The following LRBA variants were observed in gnomAD, a reference collection of about 807,000 sequenced individuals.
LRBA encodes the protein LPS responsive beige-like anchor protein, also known as lipopolysaccharide-responsive and beige-like anchor protein.
A neutral mutation model predicts 330.0 loss-of-function variants in LRBA; 176 were observed. The observed-to-expected ratio is 0.53, with a 90% confidence interval of 0.47 to 0.60. LRBA has a LOEUF of 0.60. LRBA is among the 20% of genes least tolerant of loss of function. The pLI, the probability that LRBA is intolerant of heterozygous loss-of-function variation, is 0.00. For missense variants in LRBA, 3,259 were observed against 3,444.8 expected, an observed-to-expected ratio of 0.95 and a Z score of 1.35; for synonymous variants, 1,230 against 1,193.0, an observed-to-expected ratio of 1.03 and a Z score of -0.64.
chr4:150,395,046 T>C (rs1047645554), intron 47 of LRBA, among the ~76,000 whole-genome samples: 1 of 152,132 alleles, frequency 6.6e-6, no homozygotes, highest in Non-Finnish European at 1.5e-5. Context: ...ATATAAGAGA[T>C]AAGAAAGGCT....
At chr4:150,813,338 A>G (rs991862857) in intron 31 of LRBA, among the ~76,000 whole-genome samples, 1 of 152,064 alleles carries the variant, frequency 6.6e-6, no homozygotes, top group Non-Finnish European at 1.5e-5. Flanking sequence ...TTATCCTCTG[A>G]TGAATATCTT....
At chr4:150,429,196 T>C (rs1750042821) in intron 46 of LRBA, among the ~76,000 whole-genome samples, 2 of 151,814 alleles carry the variant, frequency 1.3e-5, no homozygotes, top group African/African-American at 2.4e-5. Flanking sequence ...CAATTTTAAA[T>C]AGGGAGGAGA....
chr4:150,504,598 A>C (rs1760790781), intron 40 of LRBA, among the ~76,000 whole-genome samples: 1 of 152,246 alleles, frequency 6.6e-6, no homozygotes, highest in Non-Finnish European at 1.5e-5. Flanking sequence ...AGGAAGCATT[A>C]AACATGGAAA....
At chr4:150,704,473 A>G (rs1284318854) in intron 36 of LRBA, among the ~76,000 whole-genome samples, 3 of 151,998 alleles carry the variant, frequency 2.0e-5, no homozygotes, top group Admixed American at 2.0e-4. Context: ...AGAGCCACTG[A>G]TCTAAATCAA....
In LRBA at chr4:150,758,572, C is replaced by CTT. The variant is rs35416240; in HGVS notation, c.5645+3209_5645+3210dup. 4.8e-3 allele frequency among the ~76,000 whole-genome samples: 559 copies of CTT among 117,012 alleles called. 9 individuals are homozygous for CTT. The highest frequency in any genetic ancestry group is 0.015 in the African/African-American group (535 of 34,538). The allele number at this position is 117,012 out of a possible 152,430, so 76.8% of individuals were successfully genotyped here. A position where few individuals can be genotyped will look rare whatever the true frequency, so the allele number is the denominator to read the frequency against. On this transcript the variant is annotated intron_variant, in intron 35 of 56. Transcript: ENST00000651943. ...ATAGCCCCCTAATTGATCTCTTTGTCTTTTTTTTTTTTTTTTTTTGAGAAA... is the reference window on the plus strand; with the variant it reads ...ATAGCCCCCTAATTGATCTCTTTGTCTTTTTTTTTTTTTTTTTTTTTGAGAAA...
At chr4:150,713,148 C>G (rs888494407) in intron 36 of LRBA, among the ~76,000 whole-genome samples, 3 of 152,080 alleles carry the variant, frequency 2.0e-5, no homozygotes, top group Admixed American at 2.0e-4. Context: ...ATTACTCATG[C>G]TGGTCTCAAA....
intron 40 of LRBA, among the ~76,000 whole-genome samples, chr4:150,522,340 A>G (rs1050195808): frequency 6.6e-6 from 1 of 152,238 alleles, no homozygotes; most frequent in African/African-American, 2.4e-5. Context: ...AATTGTTGTC[A>G]AGAGTAGAAT....
chr4:150,467,827 G>A (rs1226922130), intron 43 of LRBA, 42 bp from the exon 44 acceptor site: 1 of 938,378 alleles, frequency 1.1e-6, no homozygotes, highest in Non-Finnish European at 1.7e-6. Context: ...AATTTTAAAA[G>A]TGAAATAAAC....
At chr4:150,331,987 T>C (rs1734060524) in intron 48 of LRBA, among the ~76,000 whole-genome samples, 1 of 152,096 alleles carries the variant, frequency 6.6e-6, no homozygotes, top group Admixed American at 6.6e-5. Context: ...TTTTATTGAG[T>C]TGTGAGGATT....
chr4:150,639,785 GTGTGTGTATATATATATA>G lies in LRBA; in HGVS notation c.5922-40672_5922-40655del. ...TATATATATATATATATATATATGTGTGTGTGTATATATATATATATGTGTGTGTGTGTGTATATATAT... is the reference window on the plus strand; with the variant it reads ...TATATATATATATATATATATATGTGTATGTGTGTGTGTGTGTATATATAT... On this transcript the variant is annotated intron_variant, in intron 37 of 56. Coordinates refer to ENST00000651943, the MANE Select transcript of LRBA (RefSeq NM_001364905.1). Among the ~76,000 whole-genome samples, 3 of 2,916 alleles carry G rather than the reference GTGTGTGTATATATATATA, an allele frequency of 1.0e-3. 1 individual carries two copies. The highest frequency in any genetic ancestry group is 0.013 in the Admixed American group (2 of 156). The allele number at this position is 2,916 out of a possible 152,430, so 1.9% of individuals were successfully genotyped here. A position where few individuals can be genotyped will look rare whatever the true frequency, so the allele number is the denominator to read the frequency against.
chr4:150,333,729 T>C (rs927471264), intron 48 of LRBA, among the ~76,000 whole-genome samples: 7 of 152,176 alleles, frequency 4.6e-5, no homozygotes, highest in African/African-American at 1.7e-4. Flanking sequence ...CTAGCCTCAG[T>C]GTCCTTTGGA....
intron 17 of LRBA, among the ~76,000 whole-genome samples, chr4:150,882,816 G>A (rs1336627949): frequency 1.3e-5 from 2 of 152,244 alleles, no homozygotes; most frequent in East Asian, 3.9e-4. Flanking sequence ...GACTGACACT[G>A]AGTCAGAAAA....
At chr4:150,589,260 G>C (rs2126447668) in intron 39 of LRBA, among the ~76,000 whole-genome samples, 1 of 152,288 alleles carries the variant, frequency 6.6e-6, no homozygotes. Context: ...TCAAAATTCA[G>C]ATGAATTGAC....
chr4:150,575,687 T>C (rs578203884), intron 40 of LRBA, among the ~76,000 whole-genome samples: 36 of 151,930 alleles, frequency 2.4e-4, no homozygotes, highest in Non-Finnish European at 4.6e-4. Context: ...ACGTCTCTAA[T>C]TTCACTCATC....
intron 2 of LRBA, among the ~76,000 whole-genome samples, chr4:150,936,819 T>C (rs1388848091): frequency 6.6e-6 from 1 of 152,036 alleles, no homozygotes. Flanking sequence ...CCAATAAATC[T>C]GAAACAATTT....
chr4:150,758,164 G>A (rs1734568933), intron 35 of LRBA, among the ~76,000 whole-genome samples: 1 of 152,190 alleles, frequency 6.6e-6, no homozygotes, highest in African/African-American at 2.4e-5. Context: ...TACAAGAGAG[G>A]AACTCTGAGC....
chr4:150,418,045 A>G (rs1305286256), intron 46 of LRBA, among the ~76,000 whole-genome samples: 5 of 150,548 alleles, frequency 3.3e-5, no homozygotes, highest in Non-Finnish European at 7.4e-5. Context: ...GTTAAGAGAC[A>G]GGGTCCCACT....
At chr4:150,432,164 A>G (rs1018813530) in intron 46 of LRBA, among the ~76,000 whole-genome samples, 7 of 151,892 alleles carry the variant, frequency 4.6e-5, no homozygotes, top group Non-Finnish European at 8.8e-5. Flanking sequence ...CATACCTTAC[A>G]TTTCGTTTTT....
intron 20 of LRBA, among the ~76,000 whole-genome samples, chr4:150,869,256 T>C (rs929575648): frequency 1.3e-5 from 2 of 152,166 alleles, no homozygotes; most frequent in African/African-American, 4.8e-5. Context: ...AGATTTTCTT[T>C]CATAATCTTA....
Sources: gnomAD v4.1 joint callset for allele counts (sites outside exome capture counted in the v4.1 genomes callset) on GRCh38, gnomAD v4.1.1 for gene constraint, MANE v1.5 for transcripts, NCBI Gene and HGNC (gene_info 2026-07-23, HGNC 2026-07-21) for gene names.